PRKG1: variants seen among roughly 807,000 people sequenced by gnomAD.
The protein encoded by PRKG1 is protein kinase cGMP-dependent 1, also known as cGMP-dependent protein kinase 1.
Under a neutral mutation model 88.1 loss-of-function variants are expected in PRKG1, and 35 were observed. The observed-to-expected ratio is 0.40, with a 90% CI of 0.30 to 0.53. The LOEUF is 0.53. Ranked by LOEUF, PRKG1 falls within the 20% of genes least tolerant of loss-of-function variation. PRKG1 has a pLI of 0.59. For synonymous variants in PRKG1, 303 were observed against 292.5 expected (o/e 1.04, Z -0.37); for missense variants, 540 against 839.8 (o/e 0.64, Z 4.41).
chr10:52,025,047 T>C (rs976790778), intron 5 of PRKG1, among the ~76,000 whole-genome samples: 2 of 152,238 alleles, frequency 1.3e-5, no homozygotes, highest in Non-Finnish European at 1.5e-5. Context: ...TGGTATCTCA[T>C]TGTGGTTTTG....
At chr10:52,218,512 AC>A (rs1840169389) in intron 9 of PRKG1, among the ~76,000 whole-genome samples, 1 of 152,174 alleles carries the variant, frequency 6.6e-6, no homozygotes, top group African/African-American at 2.4e-5. Flanking sequence ...TTTTGATTCA[AC>A]ATAAACTTAC....
In PRKG1 at chr10:52,294,118, C is replaced by T. The variant is rs1842332656; in HGVS notation, c.*218C>T. On this transcript the variant is annotated 3_prime_UTR_variant, in exon 18 of 18. Coordinates refer to ENST00000373980, the MANE Select transcript of PRKG1 (RefSeq NM_006258.4). ...TGTTTGAACCTAAAATAGCAGTTGA[C>T]ATGGTGGTCCTGAAGCAAAGCCTTT... The T allele has an allele frequency of 9.0e-6, 4 of 444,228 alleles. No homozygotes were observed. Among genetic ancestry groups the T allele is most frequent in the African/African-American group, 2.0e-5 (1 of 48,784 alleles). The allele number at this position is 444,228 out of a possible 1,614,324, so 27.5% of individuals were successfully genotyped here.
At chr10:51,958,466 T>C (rs1439114289) in intron 5 of PRKG1, among the ~76,000 whole-genome samples, 1 of 151,340 alleles carries the variant, frequency 6.6e-6, no homozygotes, top group East Asian at 1.9e-4. Flanking sequence ...TGGACCAGAG[T>C]TTTTTTTAGG....
At chr10:51,968,015 A>C (rs1414793257) in intron 5 of PRKG1, among the ~76,000 whole-genome samples, 3 of 152,188 alleles carry the variant, frequency 2.0e-5, no homozygotes, top group African/African-American at 7.2e-5. Flanking sequence ...GAAGCCTTAG[A>C]GCTTAAGACA....
intron 3 of PRKG1, among the ~76,000 whole-genome samples, chr10:51,648,353 T>C (rs1301111451): frequency 6.6e-6 from 1 of 152,238 alleles, no homozygotes; most frequent in Non-Finnish European, 1.5e-5. Flanking sequence ...AACAGACTAT[T>C]AATTCTTAAT....
chr10:51,249,614 C>T lies in PRKG1; in HGVS notation c.478+96284C>T, dbSNP rs7924118. ...TATTTGCAAAACAATTCAACTTTCC[C>T]TAGAAAGGAGACAGAACATAAATGA... is the stretch of plus-strand genomic sequence containing the variant. On this transcript the variant is annotated intron_variant, in intron 2 of 17. Coordinates refer to ENST00000373980, the MANE Select transcript of PRKG1 (RefSeq NM_006258.4). 4.9e-3 allele frequency among the ~76,000 whole-genome samples: 735 copies of T among 150,852 alleles called. 3 individuals are homozygous for T. Among genetic ancestry groups the T allele is most frequent in the African/African-American group, 0.017 (693 of 40,584 alleles).
chr10:51,409,328 G>A (rs1838010763), intron 2 of PRKG1, among the ~76,000 whole-genome samples: 1 of 152,116 alleles, frequency 6.6e-6, no homozygotes, highest in Non-Finnish European at 1.5e-5. Context: ...GAGACCATGG[G>A]CATTTGAGCA....
intron 4 of PRKG1, among the ~76,000 whole-genome samples, chr10:51,862,158 G>A (rs1251838619): frequency 1.3e-5 from 2 of 152,148 alleles, no homozygotes; most frequent in South Asian, 4.1e-4. Flanking sequence ...GGGGAGAGGG[G>A]CATGTTATAG....
intron 8 of PRKG1, among the ~76,000 whole-genome samples, chr10:52,158,249 C>T (rs2132682054): frequency 6.6e-6 from 1 of 151,740 alleles, no homozygotes; most frequent in Middle Eastern, 3.4e-3. Flanking sequence ...CTGGTTTCTA[C>T]TTATTCAGTT....
intron 7 of PRKG1, among the ~76,000 whole-genome samples, chr10:52,117,904 T>G (rs1589621630): frequency 6.6e-6 from 1 of 152,036 alleles, no homozygotes; most frequent in East Asian, 1.9e-4. Flanking sequence ...ATATAGGGGT[T>G]TTTTAGTTAT....
chr10:51,411,316 A>G (rs2132687800), intron 2 of PRKG1, among the ~76,000 whole-genome samples: 1 of 152,296 alleles, frequency 6.6e-6, no homozygotes, highest in Middle Eastern at 3.4e-3. Flanking sequence ...GTTAATTTTG[A>G]ATGCTAGATA....
At chr10:51,672,528 C>T (rs142752729) in intron 3 of PRKG1, among the ~76,000 whole-genome samples, 1 of 151,732 alleles carries the variant, frequency 6.6e-6, no homozygotes, top group African/African-American at 2.4e-5. Flanking sequence ...TTATAAACAT[C>T]ATAAACATTG....
At chr10:52,080,660 T>A (rs540764061) in intron 7 of PRKG1, among the ~76,000 whole-genome samples, 2 of 152,320 alleles carry the variant, frequency 1.3e-5, no homozygotes, top group South Asian at 4.1e-4. Context: ...ATCTATTTTT[T>A]AATCTTAAAT....
chr10:51,997,622 C>G (rs1025499029), intron 5 of PRKG1, among the ~76,000 whole-genome samples: 1 of 151,916 alleles, frequency 6.6e-6, no homozygotes, highest in African/African-American at 2.4e-5. Context: ...ATAATACATA[C>G]ATTAGTTAGC....
intron 9 of PRKG1, among the ~76,000 whole-genome samples, chr10:52,223,688 T>C (rs923458573): frequency 3.9e-5 from 6 of 152,200 alleles, no homozygotes; most frequent in Admixed American, 1.3e-4. Flanking sequence ...AAAATCCACT[T>C]GGACAAATCA....
At chr10:51,155,772 T>C (rs1321954855) in intron 2 of PRKG1, among the ~76,000 whole-genome samples, 1 of 151,990 alleles carries the variant, frequency 6.6e-6, no homozygotes, top group Non-Finnish European at 1.5e-5. Context: ...TTCCTCTTTC[T>C]AGGGGAAAGA....
chr10:52,105,775 C>A (rs1847405525), intron 7 of PRKG1, among the ~76,000 whole-genome samples: 4 of 152,000 alleles, frequency 2.6e-5, no homozygotes, highest in Non-Finnish European at 5.9e-5. Context: ...GTCCCTCCCC[C>A]AACTCTCTAC....
intron 9 of PRKG1, among the ~76,000 whole-genome samples, chr10:52,238,672 C>T (rs1016273938): frequency 6.7e-6 from 1 of 148,640 alleles, no homozygotes; most frequent in South Asian, 2.2e-4. Flanking sequence ...CAGGAAACAA[C>T]AGGTGCTGGA....
At chr10:51,395,486 G>T (rs1837551013) in intron 2 of PRKG1, among the ~76,000 whole-genome samples, 1 of 148,978 alleles carries the variant, frequency 6.7e-6, no homozygotes, top group Non-Finnish European at 1.5e-5. Context: ...AGGTAAAGCT[G>T]GGGCTGGGGT....
Sources: gnomAD v4.1 joint callset for allele counts (sites outside exome capture counted in the v4.1 genomes callset) on GRCh38, gnomAD v4.1.1 for gene constraint, MANE v1.5 for transcripts, NCBI Gene and HGNC (gene_info 2026-07-23, HGNC 2026-07-21) for gene names.